Variants in COL5A1 observed in about 807,000 individuals in gnomAD.
COL5A1 encodes collagen alpha-1(V) chain.
In COL5A1, 16 loss-of-function variants were observed where a neutral mutation model predicts 263.7. That is an observed-to-expected ratio of 0.06 (90% CI 0.04 to 0.09). The LOEUF is 0.09. Among genes scored for constraint, COL5A1 ranks in the 10% least tolerant of loss-of-function variants. COL5A1 has a pLI of 1.00. For synonymous variants in COL5A1, 1,012 were observed against 1,004.5 expected, an observed-to-expected ratio of 1.01 and a Z score of -0.14; for missense variants, 2,036 against 2,540.5, an observed-to-expected ratio of 0.80 and a Z score of 4.27.
chr9:134,784,557 C>A (rs906602501), intron 29 of COL5A1, among the ~76,000 whole-genome samples: 16 of 152,250 alleles, frequency 1.1e-4, no homozygotes, highest in African/African-American at 3.1e-4. Flanking sequence ...CCATCCGGGG[C>A]TGGGGTCCAC....
chr9:134,813,519 G>A (rs539795382), intron 48 of COL5A1, among the ~76,000 whole-genome samples: 1 of 152,336 alleles, frequency 6.6e-6, no homozygotes, highest in Non-Finnish European at 1.5e-5. Flanking sequence ...CAGAGAGGCG[G>A]TGTTTTCCTT....
At chr9:134,837,562 G>A (rs1318715411) in intron 65 of COL5A1, among the ~76,000 whole-genome samples, 2 of 151,854 alleles carry the variant, frequency 1.3e-5, no homozygotes, top group Non-Finnish European at 2.9e-5. Context: ...AGAAGTCTTC[G>A]GCAATGCTTT....
At chr9:134,644,336 T>C (rs1284027329) in intron 1 of COL5A1, among the ~76,000 whole-genome samples, 1 of 26,616 alleles carries the variant, frequency 3.8e-5, no homozygotes, top group African/African-American at 2.2e-4. Context: ...GGGGCGGCTG[T>C]CCACTGGAGA....
chr9:134,647,217 T>C lies in COL5A1; in HGVS notation c.109+4921T>C, dbSNP rs1396563641. Among the ~76,000 whole-genome samples, 1 of 152,200 alleles carries C rather than the reference T, an allele frequency of 6.6e-6. No homozygotes were observed. Among genetic ancestry groups the C allele is most frequent in the East Asian group, 1.9e-4 (1 of 5,184 alleles). ...TGCTGTTGCCCGCTTAGCCGGTCTC[T>C]GCTGCCCCTTTGCCTTCCTTGGCCT... On this transcript the variant is annotated intron_variant, in intron 1 of 65. Transcript: ENST00000371817. This position sits in a 1 kb window ranked among gnomAD's most constrained non-coding sequence, Gnocchi z 5.0.
intron 1 of COL5A1, among the ~76,000 whole-genome samples, chr9:134,653,029 G>A (rs1045492054): frequency 6.6e-6 from 1 of 152,126 alleles, no homozygotes; most frequent in African/African-American, 2.4e-5. Flanking sequence ...GTGGTCGTGG[G>A]GTGGGGAGGG....
chr9:134,753,854 C>A lies in COL5A1; in HGVS notation c.1724C>A (p.Pro575His), dbSNP rs1192447986. ...ACACACACCATGTCTCCCTAGGGTCCCCCTGGGAGCGGAGGTTTGAAGGGC... is the reference window on the plus strand; with the variant it reads ...ACACACACCATGTCTCCCTAGGGTCACCCTGGGAGCGGAGGTTTGAAGGGC... ...GLTGRPGPVG[P>H]PGSGGLKGEP... The change falls in exon 15 of 66, where the codon CCC becomes CAC. Residue 575 changes from proline to histidine, a missense_variant. By Grantham distance (77) the Pro-to-His change is moderately conservative (BLOSUM62 -2). Coordinates refer to ENST00000371817, the MANE Select transcript of COL5A1 (RefSeq NM_000093.5). 7 of 1,613,298 alleles carry A rather than the reference C, an allele frequency of 4.3e-6. No individual in the cohort carries two copies. The highest frequency in any genetic ancestry group is 5.9e-6 in the Non-Finnish European group (7 of 1,179,652).
intron 1 of COL5A1, among the ~76,000 whole-genome samples, chr9:134,654,740 G>T (rs1183828476): frequency 4.7e-5 from 6 of 128,728 alleles, no homozygotes; most frequent in Non-Finnish European, 8.3e-5. Flanking sequence ...GGGCTGGGGT[G>T]TGTGTAGGGC....
At chr9:134,654,840 G>A (rs1831885453) in intron 1 of COL5A1, among the ~76,000 whole-genome samples, 1 of 138,224 alleles carries the variant, frequency 7.2e-6, no homozygotes, top group Non-Finnish European at 1.6e-5. Context: ...GTGGTGTGTG[G>A]GGCTCGTGTG....
At chr9:134,724,869 A>AACCAGGCTCG (rs1564412786) in intron 4 of COL5A1, among the ~76,000 whole-genome samples, 10 of 149,214 alleles carry the variant, frequency 6.7e-5, no homozygotes, top group African/African-American at 2.2e-4. Context: ...AACCAGGCTC[A>AACCAGGCTCG]GGTGAACCAG....
rs13289529 is a variant in COL5A1 at position 134,810,189 on chromosome 9, C to T, written c.3475-66C>T. 0.048 allele frequency: 74,917 copies of T among 1,557,136 alleles called. 2,008 individuals carry two copies. Among genetic ancestry groups the T allele is most frequent in the Non-Finnish European group, 0.056 (62,738 of 1,128,162 alleles). ...CTTAATCTCCAAGAAAAATTCATTA[C>T]GGGGAACAGAAAAGGTCCAAACGGT... On this transcript the variant is annotated intron_variant, in intron 43 of 65. Coordinates refer to ENST00000371817, the MANE Select transcript of COL5A1 (RefSeq NM_000093.5).
chr9:134,728,238 CT>C (rs1286904283), intron 5 of COL5A1, among the ~76,000 whole-genome samples: 1 of 152,238 alleles, frequency 6.6e-6, no homozygotes, highest in Non-Finnish European at 1.5e-5. Flanking sequence ...TGGGAATGGG[CT>C]CAGGACAAGG....
intron 4 of COL5A1, among the ~76,000 whole-genome samples, chr9:134,723,857 C>T (rs1834552164): frequency 6.6e-6 from 1 of 152,226 alleles, no homozygotes; most frequent in East Asian, 1.9e-4. Flanking sequence ...AGAGCTGCTG[C>T]CTGGAATGTT....
chr9:134,771,866 T>G (rs1262530893), intron 25 of COL5A1, among the ~76,000 whole-genome samples: 1 of 152,234 alleles, frequency 6.6e-6, no homozygotes, highest in African/African-American at 2.4e-5. Context: ...TTGGTGGAAC[T>G]GCATTTCTGC....
At chr9:134,760,601 CCA>C (rs749919774) in intron 18 of COL5A1, among the ~76,000 whole-genome samples, 2 of 121,362 alleles carry the variant, frequency 1.6e-5, no homozygotes, top group African/African-American at 3.6e-5. Context: ...TGCACACACA[CCA>C]CACATGCACA....
At chr9:134,822,436 C>G (rs1015279062) in intron 59 of COL5A1, among the ~76,000 whole-genome samples, 3 of 152,146 alleles carry the variant, frequency 2.0e-5, no homozygotes, top group Non-Finnish European at 4.4e-5. Flanking sequence ...GGGGAGGGTG[C>G]GGAAGGTAGT....
At chr9:134,771,448 G>A (rs936033231) in intron 25 of COL5A1, among the ~76,000 whole-genome samples, 9 of 152,190 alleles carry the variant, frequency 5.9e-5, no homozygotes, top group Admixed American at 3.3e-4. Context: ...GTGAGGTCCC[G>A]CAGGTGCCTG....
intron 1 of COL5A1, among the ~76,000 whole-genome samples, chr9:134,655,915 G>A (rs1392774547): frequency 6.6e-6 from 1 of 152,202 alleles, no homozygotes; most frequent in Non-Finnish European, 1.5e-5. Flanking sequence ...TACCAAGACA[G>A]CAGCTGCACT....
Position 134,752,589 on chromosome 9 carries a change from T to C in COL5A1, c.1663T>C (p.Leu555=). ...CAGCGTGTCTCACTTTCCTTTGCAG[T>C]TGGCACTGAGGGGACCAGCTGGCCC... is the stretch of plus-strand genomic sequence containing the variant. ...QAQAILQQAR[L]ALRGPAGPMG... Residue 555 remains leucine, a splice_region_variant and synonymous_variant, in exon 14 of 66, where the codon TTG becomes CTG. Coordinates refer to ENST00000371817, the MANE Select transcript of COL5A1 (RefSeq NM_000093.5). The C allele has an allele frequency of 2.5e-6, 4 of 1,612,918 alleles. No individual in the cohort carries two copies. The highest frequency in any genetic ancestry group is 2.2e-5 in the East Asian group (1 of 44,878).
In COL5A1 at chr9:134,681,038, C is replaced by A. The variant is rs188388623; in HGVS notation, c.110-9874C>A. Reference sequence around the variant, plus strand: ...CAGGCCCTCTGTGCATTTCCCACCCCCTGCCCCTTTGCTTTGCTCCCTGGT... The same window carrying A: ...CAGGCCCTCTGTGCATTTCCCACCCACTGCCCCTTTGCTTTGCTCCCTGGT... On this transcript the variant is annotated intron_variant, in intron 1 of 65. Transcript: ENST00000371817. This position sits in a 1 kb window ranked among gnomAD's most constrained non-coding sequence, Gnocchi z 4.3. 3.9e-3 allele frequency among the ~76,000 whole-genome samples: 590 copies of A among 152,314 alleles called. 4 individuals carry two copies. Among genetic ancestry groups the A allele is most frequent in the African/African-American group, 0.014 (570 of 41,558 alleles).
Sources: gnomAD v4.1 joint callset for allele counts (sites outside exome capture counted in the v4.1 genomes callset) on GRCh38, gnomAD v4.1.1 for gene constraint, Gnocchi (gnomAD v3.1) non-coding constraint, MANE v1.5 for transcripts, NCBI Gene and HGNC (gene_info 2026-07-23, HGNC 2026-07-21) for gene names.